Variants in NCKAP5 observed in about 807,000 individuals in gnomAD.
The protein encoded by NCKAP5 is NCK associated protein 5.
In NCKAP5, 92 loss-of-function variants were observed where a neutral mutation model predicts 167.0. That is an observed-to-expected ratio of 0.55 (90% CI 0.47 to 0.66). NCKAP5 has a LOEUF of 0.66. Among genes scored for constraint, NCKAP5 ranks in the 30% least tolerant of loss-of-function variants. The pLI is 0.00. For missense variants in NCKAP5, 2,378 were observed against 2,315.0 expected (o/e 1.03, Z -0.56); for synonymous variants, 891 against 877.4 (o/e 1.02, Z -0.27).
chr2:133,426,959 A>G (rs1339563292), intron 3 of NCKAP5, among the ~76,000 whole-genome samples: 1 of 152,206 alleles, frequency 6.6e-6, no homozygotes, highest in Non-Finnish European at 1.5e-5. Flanking sequence ...ATGCAGTACA[A>G]TGTTCTGGGA....
intron 6 of NCKAP5, among the ~76,000 whole-genome samples, chr2:133,093,047 G>A (rs2081239171): frequency 6.6e-6 from 1 of 152,116 alleles, no homozygotes; most frequent in African/African-American, 2.4e-5. Context: ...CTGTAAAATG[G>A]AAATAATAAT....
chr2:132,890,131 C>T lies in NCKAP5; in HGVS notation c.580-11215G>A, dbSNP rs191121803. On this transcript the variant is annotated intron_variant, in intron 8 of 19. Coordinates refer to ENST00000409261, the MANE Select transcript of NCKAP5 (RefSeq NM_207363.3). The stretch of plus-strand genomic sequence containing the variant: ...GAATAAGATCAGAAAAGGTATTTCT[C>T]TAAAATACCAATTCAACTCATGGTT... Among the ~76,000 whole-genome samples the T allele has an allele frequency of 5.9e-5, 9 of 152,276 alleles. 1 individual carries two copies. Among genetic ancestry groups the T allele is most frequent in the Admixed American group, 5.9e-4 (9 of 15,290 alleles).
upstream of NCKAP5, among the ~76,000 whole-genome samples, chr2:133,569,311 A>G (rs972573816): frequency 1.3e-5 from 2 of 152,088 alleles, no homozygotes; most frequent in African/African-American, 2.4e-5. Context: ...GAGAAATTCC[A>G]CAGATCCAAC....
intron 3 of NCKAP5, among the ~76,000 whole-genome samples, chr2:133,514,545 T>C (rs1334067630): frequency 6.6e-6 from 1 of 152,168 alleles, no homozygotes; most frequent in East Asian, 1.9e-4. Context: ...TTTGATTATA[T>C]AAAATAAAAA....
At chr2:133,339,535 C>G (rs913279900) in intron 3 of NCKAP5, among the ~76,000 whole-genome samples, 5 of 152,144 alleles carry the variant, frequency 3.3e-5, no homozygotes, top group African/African-American at 9.7e-5. Context: ...CTGCCAGGAA[C>G]AGAGATGGAG....
intron 1 of NCKAP5, among the ~76,000 whole-genome samples, chr2:133,560,275 A>T (rs1688063488): frequency 6.6e-6 from 1 of 152,210 alleles, no homozygotes; most frequent in East Asian, 1.9e-4. Flanking sequence ...CTATTCACCA[A>T]ATATTTGATG....
At chr2:133,263,108 A>C (rs2089001371) in intron 4 of NCKAP5, among the ~76,000 whole-genome samples, 1 of 151,972 alleles carries the variant, frequency 6.6e-6, no homozygotes, top group South Asian at 2.1e-4. Flanking sequence ...CACTATGCCC[A>C]ATCTAACTTC....
chr2:132,773,702 G>A, intron 16 of NCKAP5, 114 bp downstream of exon 16: 1 of 840,632 alleles, frequency 1.2e-6, no homozygotes, highest in Non-Finnish European at 1.9e-6. Flanking sequence ...TGTGTGAATA[G>A]TTAACACTCA....
intron 3 of NCKAP5, among the ~76,000 whole-genome samples, chr2:133,469,893 A>G: frequency 6.7e-6 from 1 of 148,592 alleles, no homozygotes. Context: ...TGTATTGGTT[A>G]TTCTAGTCAT....
At chr2:132,677,681 G>C (rs1398478330) in intron 19 of NCKAP5, among the ~76,000 whole-genome samples, 1 of 152,072 alleles carries the variant, frequency 6.6e-6, no homozygotes, top group Non-Finnish European at 1.5e-5. Context: ...TGCCCAGAGG[G>C]TCTCTCCCTT....
intron 3 of NCKAP5, among the ~76,000 whole-genome samples, chr2:133,498,939 C>T (rs1682227178): frequency 6.6e-6 from 1 of 152,216 alleles, no homozygotes. Flanking sequence ...TAATGCACTC[C>T]TTTCGGAAAT....
At chr2:133,541,989 T>C (rs1204314150) in intron 2 of NCKAP5, among the ~76,000 whole-genome samples, 1 of 152,128 alleles carries the variant, frequency 6.6e-6, no homozygotes, top group East Asian at 1.9e-4. Flanking sequence ...TTGCACGGGA[T>C]TGTTTGCACA....
intron 4 of NCKAP5, 79 bp downstream of exon 4, chr2:133,302,958 C>G: frequency 1.0e-6 from 1 of 989,126 alleles, no homozygotes. Context: ...ATTCTGTAGT[C>G]TAACTGAAAT....
chr2:132,711,544 A>C (rs1392107221), intron 19 of NCKAP5, among the ~76,000 whole-genome samples: 1 of 152,232 alleles, frequency 6.6e-6, no homozygotes, highest in East Asian at 1.9e-4. Flanking sequence ...AACATTTTCT[A>C]GTATATCTGG....
At chr2:132,846,533 A>C (rs902930324) in intron 11 of NCKAP5, among the ~76,000 whole-genome samples, 2 of 152,068 alleles carry the variant, frequency 1.3e-5, no homozygotes, top group African/African-American at 4.8e-5. Context: ...TCAAACTCCT[A>C]ACCTCAGGTG....
chr2:133,426,000 G>A (rs568694073), intron 3 of NCKAP5, among the ~76,000 whole-genome samples: 12 of 152,248 alleles, frequency 7.9e-5, no homozygotes, highest in Middle Eastern at 3.4e-3. Flanking sequence ...GGCCAGGCAC[G>A]GTGGCTCATG....
At chr2:132,944,911 T>C (rs2149113660) in intron 8 of NCKAP5, among the ~76,000 whole-genome samples, 1 of 152,248 alleles carries the variant, frequency 6.6e-6, no homozygotes, top group Non-Finnish European at 1.5e-5. Context: ...GGGAAGACCT[T>C]ACCCAGGCAG....
rs1239548001 is a variant in NCKAP5 at position 132,783,612 on chromosome 2, T to C, written c.3199A>G (p.Arg1067Gly). 6.2e-7 allele frequency: 1 copy of C among 1,613,934 alleles called. No homozygotes were observed. Residue 1067 changes from arginine (R) to glycine (G), a missense_variant, in exon 14 of 20, where the codon AGG (arginine) becomes GGG (glycine). By Grantham distance (125) the Arg-to-Gly change is moderately radical. Transcript: ENST00000409261. The stretch of plus-strand genomic sequence containing the variant: ...GGCTCATGGGTTGAAGGAGAGATCC[T>C]GGGAGTCTGTAATCCTATGTCCCTT... ...PQRDIGLQTP[R>G]ISPSTHEPLE...
intron 6 of NCKAP5, among the ~76,000 whole-genome samples, chr2:133,103,504 A>G (rs1462081614): frequency 6.6e-6 from 1 of 152,190 alleles, no homozygotes; most frequent in Admixed American, 6.5e-5. Context: ...ATTTATATGG[A>G]AGCTGTTGGC....
Sources: allele counts gnomAD v4.1 joint callset (sites outside exome capture counted in the v4.1 genomes callset), GRCh38; gene constraint gnomAD v4.1.1; transcripts MANE v1.5; gene names NCBI Gene and HGNC (gene_info 2026-07-23, HGNC 2026-07-21).